PDCD10: variants seen among roughly 807,000 people sequenced by gnomAD.
PDCD10 encodes programmed cell death protein 10.
PDCD10 carries 4 observed loss-of-function variants against 29.2 expected under a neutral mutation model. The ratio of observed to expected loss-of-function variants is 0.14; its 90% CI spans 0.07 to 0.31. PDCD10 has a LOEUF of 0.31. Ranked by LOEUF, PDCD10 falls within the 10% of genes least tolerant of loss-of-function variation. PDCD10 has a pLI of 1.00. For synonymous variants in PDCD10, 70 were observed against 82.2 expected (o/e 0.85, Z 0.80); for missense variants, 183 against 257.9 (o/e 0.71, Z 1.99).
Position 167,697,270 on chromosome 3 carries a change from T to C in PDCD10, c.151-144A>G, listed in dbSNP as rs76483475. On this transcript the variant is annotated intron_variant, in intron 4 of 8. Coordinates refer to ENST00000392750, the MANE Select transcript of PDCD10 (RefSeq NM_007217.4). ...AATCTTTGTAAAGCAGGTGTCATGA[T>C]AGCATTCACTAAGGCTTTGTTAGAG... The C allele has an allele frequency of 0.014, 8,442 of 621,172 alleles. 519 individuals carry two copies. The East Asian group carries it at 0.15, about 11-fold the overall frequency. The allele number at this position is 621,172 out of a possible 1,614,324, so 38.5% of individuals were successfully genotyped here. A position where few individuals can be genotyped will look rare whatever the true frequency, so the allele number is the denominator to read the frequency against.
chr3:167,697,118 T>C lies in PDCD10; in HGVS notation c.159A>G (p.Lys53=), dbSNP rs1720896761. The change falls in exon 5 of 9, where the codon AAA becomes AAG. Residue 53 remains lysine, a synonymous_variant. Coordinates refer to ENST00000392750, the MANE Select transcript of PDCD10 (RefSeq NM_007217.4). ...TLRAAFIKAE[K]ENPGLTQDII... ...TGTCTTGTGTGAGACCTGGATTTTC[T>C]TTTTCAGCCTATAATAAAGAGAAAA... 1 of 1,556,422 alleles carries C rather than the reference T, an allele frequency of 6.4e-7. No homozygotes were observed. The highest frequency in any genetic ancestry group is 8.9e-7 in the Non-Finnish European group (1 of 1,128,210).
chr3:167,723,217 C>A (rs192603288), intron 2 of PDCD10, among the ~76,000 whole-genome samples: 2 of 152,306 alleles, frequency 1.3e-5, no homozygotes, highest in East Asian at 3.9e-4. Flanking sequence ...GTCATTCCTT[C>A]CGCATGCTTC....
At chr3:167,702,005 A>C (rs1329720317) in intron 4 of PDCD10, among the ~76,000 whole-genome samples, 3 of 152,228 alleles carry the variant, frequency 2.0e-5, no homozygotes, top group Non-Finnish European at 2.9e-5. Flanking sequence ...AAACAAATGG[A>C]CATTAGACAA....
intron 4 of PDCD10, 119 bp downstream of exon 4, chr3:167,704,723 A>G: frequency 1.4e-6 from 1 of 711,962 alleles, no homozygotes; most frequent in Non-Finnish European, 2.6e-6. Context: ...ATAGTAAAAC[A>G]GGCATAAGAT....
At chr3:167,714,387 C>CG (rs1559968112) in intron 3 of PDCD10, among the ~76,000 whole-genome samples, 2 of 151,524 alleles carry the variant, frequency 1.3e-5, no homozygotes, top group Non-Finnish European at 1.5e-5. Flanking sequence ...ATGTGGTAAA[C>CG]GACAAGGATG....
intron 3 of PDCD10, among the ~76,000 whole-genome samples, chr3:167,706,181 A>G (rs1320744518): frequency 6.6e-6 from 1 of 152,224 alleles, no homozygotes; most frequent in Non-Finnish European, 1.5e-5. Context: ...CAGCATCTCT[A>G]GATTTCTAGA....
intron 8 of PDCD10, among the ~76,000 whole-genome samples, chr3:167,685,587 T>A (rs1719534981): frequency 6.6e-6 from 1 of 152,016 alleles, no homozygotes. Context: ...AGCTGCTGAA[T>A]GGAGAGAAAG....
chr3:167,717,821 C>T (rs984830040), intron 3 of PDCD10, among the ~76,000 whole-genome samples: 2 of 152,038 alleles, frequency 1.3e-5, no homozygotes, highest in Non-Finnish European at 2.9e-5. Flanking sequence ...AAACGCTTGA[C>T]ACCATGCTGT....
chr3:167,700,429 GA>G (rs1721278420), intron 4 of PDCD10, among the ~76,000 whole-genome samples: 4 of 151,674 alleles, frequency 2.6e-5, no homozygotes, highest in Non-Finnish European at 4.4e-5. Context: ...GACATTACAA[GA>G]AGGTGTATTG....
chr3:167,705,971 T>C (rs1721928487), intron 3 of PDCD10, among the ~76,000 whole-genome samples: 2 of 152,186 alleles, frequency 1.3e-5, no homozygotes, highest in Admixed American at 1.3e-4. Context: ...TGTTTCTGTT[T>C]TGATAGGAAC....
At chr3:167,688,743 T>C (rs1049236822) in intron 6 of PDCD10, among the ~76,000 whole-genome samples, 3 of 152,170 alleles carry the variant, frequency 2.0e-5, no homozygotes. Context: ...ATGAATAAGA[T>C]GGAAATCTGC....
At chr3:167,700,851 T>C (rs2108424519) in intron 4 of PDCD10, among the ~76,000 whole-genome samples, 1 of 152,204 alleles carries the variant, frequency 6.6e-6, no homozygotes, top group East Asian at 1.9e-4. Flanking sequence ...AAGAAAATCT[T>C]TGAGGAAAAA....
chr3:167,699,907 A>G (rs1721202236), intron 4 of PDCD10, among the ~76,000 whole-genome samples: 1 of 152,240 alleles, frequency 6.6e-6, no homozygotes, highest in Non-Finnish European at 1.5e-5. Context: ...TGAGTAGCCT[A>G]TAAGTAGTGA....
intron 4 of PDCD10, 85 bp from the exon 5 acceptor site, chr3:167,697,211 G>A: frequency 1.3e-6 from 1 of 791,598 alleles, no homozygotes. Flanking sequence ...GAATCTGTTG[G>A]GAGCGTCTTA....
At chr3:167,690,274 G>C (rs751061650) in intron 6 of PDCD10, among the ~76,000 whole-genome samples, 1 of 152,194 alleles carries the variant, frequency 6.6e-6, no homozygotes, top group Non-Finnish European at 1.5e-5. Flanking sequence ...TAGAAAAGTA[G>C]AGTTTCTAAT....
Position 167,694,067 on chromosome 3 carries a change from A to G in PDCD10, c.395+1529T>C, listed in dbSNP as rs1309846973. On this transcript the variant is annotated intron_variant, in intron 6 of 8. Transcript: ENST00000392750. ...TCTATGGAATGTTAAGCTGACACCCATAACAGTCAAGGCTTCCCATAATTC... is the reference window on the plus strand; with the variant it reads ...TCTATGGAATGTTAAGCTGACACCCGTAACAGTCAAGGCTTCCCATAATTC... Among the ~76,000 whole-genome samples the G allele has an allele frequency of 2.0e-5, 3 of 152,194 alleles. No homozygotes were observed. The East Asian group carries it at 5.8e-4, about 29-fold the overall frequency.
chr3:167,717,584 TTA>T (rs1417378446), intron 3 of PDCD10, among the ~76,000 whole-genome samples: 23 of 151,850 alleles, frequency 1.5e-4, no homozygotes, highest in Non-Finnish European at 2.8e-4. Context: ...GGTATCTTAT[TTA>T]TATGTTATGT....
At chr3:167,705,907 T>C (rs1008554029) in intron 3 of PDCD10, among the ~76,000 whole-genome samples, 4 of 152,202 alleles carry the variant, frequency 2.6e-5, no homozygotes, top group Non-Finnish European at 5.9e-5. Context: ...TATAGCTCAT[T>C]AGATCTCAAG....
chr3:167,724,262 G>C (rs1723867082), intron 2 of PDCD10, among the ~76,000 whole-genome samples: 1 of 152,212 alleles, frequency 6.6e-6, no homozygotes, highest in Non-Finnish European at 1.5e-5. Flanking sequence ...AGCTTTTTAA[G>C]TAATTCTACA....
Sources: gnomAD v4.1 joint callset for allele counts (sites outside exome capture counted in the v4.1 genomes callset) on GRCh38, gnomAD v4.1.1 for gene constraint, MANE v1.5 for transcripts, NCBI Gene and HGNC (gene_info 2026-07-23, HGNC 2026-07-21) for gene names.